HERC4: variants seen among roughly 807,000 people sequenced by gnomAD.
HERC4 encodes HECT and RLD domain containing E3 ubiquitin protein ligase 4, also known as probable E3 ubiquitin-protein ligase HERC4.
A neutral mutation model predicts 124.3 loss-of-function variants in HERC4; 28 were observed. The observed-to-expected ratio is 0.23, with a 90% CI of 0.17 to 0.31. The LOEUF (loss-of-function observed/expected upper bound fraction) is 0.31. Ranked by LOEUF, HERC4 falls within the 10% of genes least tolerant of loss-of-function variation. The pLI, the probability that HERC4 is intolerant of heterozygous loss-of-function variation, is 1.00. For synonymous variants in HERC4, 407 were observed against 421.5 expected (o/e 0.97, Z 0.42); for missense variants, 713 against 1,229.3 (o/e 0.58, Z 6.28).
chr10:68,029,860 T>A (rs963992197), intron 7 of HERC4, among the ~76,000 whole-genome samples: 14 of 150,786 alleles, frequency 9.3e-5, no homozygotes, highest in Admixed American at 9.2e-4. Flanking sequence ...TGCCTCAGCC[T>A]CCCGACTACC....
At chr10:67,981,177 A>G (rs1288090341) in intron 15 of HERC4, among the ~76,000 whole-genome samples, 1 of 152,202 alleles carries the variant, frequency 6.6e-6, no homozygotes, top group African/African-American at 2.4e-5. Context: ...AGACAAACAG[A>G]CTCAAAATAA....
At chr10:68,029,591 T>TA (rs2039086025) in intron 7 of HERC4, among the ~76,000 whole-genome samples, 1 of 151,728 alleles carries the variant, frequency 6.6e-6, no homozygotes, top group Non-Finnish European at 1.5e-5. Flanking sequence ...TGCTGTATTT[T>TA]AAAATCACCT....
intron 15 of HERC4, among the ~76,000 whole-genome samples, chr10:67,976,879 T>C (rs2035621556): frequency 6.6e-6 from 1 of 152,218 alleles, no homozygotes; most frequent in Non-Finnish European, 1.5e-5. Flanking sequence ...AGAGGGGAAC[T>C]GTGGGTCCCA....
intron 3 of HERC4, among the ~76,000 whole-genome samples, chr10:68,049,536 A>C (rs2040180402): frequency 6.9e-6 from 1 of 144,526 alleles, no homozygotes; most frequent in South Asian, 2.2e-4. Context: ...GGTTGCAGTG[A>C]GCCAAATTCA....
chr10:67,955,191 A>G, intron 17 of HERC4, 61 bp from the exon 18 acceptor site: 3 of 1,440,394 alleles, frequency 2.1e-6, no homozygotes, highest in Non-Finnish European at 2.8e-6. Flanking sequence ...TGTGACTGAA[A>G]CAAGCTAACC....
intron 3 of HERC4, chr10:68,067,785 A>G (rs2041367984): frequency 6.6e-6 from 1 of 152,244 alleles, no homozygotes; most frequent in Non-Finnish European, 1.5e-5. Context: ...ATCTTTAAAA[A>G]GAGTTCAACA....
chr10:68,041,843 A>C (rs2039784557), intron 4 of HERC4, among the ~76,000 whole-genome samples: 1 of 152,248 alleles, frequency 6.6e-6, no homozygotes, highest in Non-Finnish European at 1.5e-5. Flanking sequence ...CAAAGTAGTG[A>C]CTTCAAAACA....
intron 17 of HERC4, chr10:67,956,454 T>A (rs1285384457): frequency 6.5e-6 from 1 of 152,692 alleles, no homozygotes; most frequent in Non-Finnish European, 1.5e-5. Context: ...AAATTTCACA[T>A]CTTCTTCCTA....
chr10:68,063,070 T>C (rs2041113176), intron 3 of HERC4, among the ~76,000 whole-genome samples: 2 of 151,938 alleles, frequency 1.3e-5, no homozygotes, highest in Admixed American at 1.3e-4. Flanking sequence ...CACAGCACTC[T>C]TGTTTATACA....
chr10:68,001,324 A>C lies in HERC4; in HGVS notation c.1070-8642T>G, dbSNP rs570402522. On this transcript the variant is annotated intron_variant, in intron 9 of 24. Coordinates refer to ENST00000373700, the MANE Select transcript of HERC4 (RefSeq NM_015601.4). ...GAGGCTGAGGTTGCAGTGAGCTGTG[A>C]TCATGTCACAGCACTCTAGCCTGGG... is the stretch of plus-strand genomic sequence containing the variant. Among the ~76,000 whole-genome samples the C allele has an allele frequency of 3.6e-3, 543 of 152,058 alleles. 2 individuals carry two copies. The highest frequency in any genetic ancestry group is 0.017 in the Middle Eastern group (5 of 294).
At chr10:67,987,224 A>G (rs1412038623) in intron 15 of HERC4, among the ~76,000 whole-genome samples, 1 of 152,192 alleles carries the variant, frequency 6.6e-6, no homozygotes, top group Non-Finnish European at 1.5e-5. Flanking sequence ...AATTTAACTT[A>G]CTTGCTTAAG....
Position 68,016,784 on chromosome 10 carries a change from G to A in HERC4, c.909-2598C>T, listed in dbSNP as rs142085516. Among the ~76,000 whole-genome samples, 618 of 152,212 alleles carry A rather than the reference G, an allele frequency of 4.1e-3. 7 individuals carry two copies. Among genetic ancestry groups the A allele is most frequent in the African/African-American group, 0.014 (592 of 41,522 alleles). The stretch of plus-strand genomic sequence containing the variant: ...TCGAAATTTTACCCCCGATCCAACA[G>A]TTACATGAATAAAACTGCTGAAAAG... On this transcript the variant is annotated intron_variant, in intron 8 of 24. Transcript: ENST00000373700.
intron 5 of HERC4, among the ~76,000 whole-genome samples, chr10:68,034,858 T>C (rs943159774): frequency 5.3e-5 from 8 of 151,990 alleles, no homozygotes; most frequent in Non-Finnish European, 1.2e-4. Context: ...CAGTCTATCA[T>C]ATATCACCAA....
chr10:68,068,993 T>C (rs555632375), intron 3 of HERC4: 2 of 951,918 alleles, frequency 2.1e-6, no homozygotes, highest in African/African-American at 3.5e-5. Flanking sequence ...GTTTTTTAGA[T>C]AACAGGGCTT....
intron 15 of HERC4, among the ~76,000 whole-genome samples, chr10:67,978,758 T>A (rs2035752337): frequency 6.6e-6 from 1 of 152,140 alleles, no homozygotes; most frequent in Non-Finnish European, 1.5e-5. Context: ...CACCCCCAGC[T>A]CCAGGTGCCT....
At chr10:67,992,530 G>GA in intron 10 of HERC4, 76 bp downstream of exon 10, 1 of 1,073,854 alleles carries the variant, frequency 9.3e-7, no homozygotes, top group Non-Finnish European at 1.4e-6. Context: ...AACATATAAA[G>GA]AACATTAATA....
intron 3 of HERC4, among the ~76,000 whole-genome samples, chr10:68,047,684 C>T (rs1157038925): frequency 6.6e-6 from 1 of 152,146 alleles, no homozygotes; most frequent in Non-Finnish European, 1.5e-5. Context: ...CAACATACCA[C>T]TACACACCTA....
chr10:68,052,924 A>T (rs892137312), intron 3 of HERC4, among the ~76,000 whole-genome samples: 1 of 152,120 alleles, frequency 6.6e-6, no homozygotes, highest in African/African-American at 2.4e-5. Flanking sequence ...AAAGATAGAG[A>T]CTCCAGACTT....
At chr10:68,039,419 G>T in intron 4 of HERC4, 1 of 1,550,358 alleles carries the variant, frequency 6.5e-7, no homozygotes, top group Non-Finnish European at 8.7e-7. Context: ...CACCTGACCT[G>T]ATTCTGCCAT....
Sources: allele counts gnomAD v4.1 joint callset (sites outside exome capture counted in the v4.1 genomes callset), GRCh38; gene constraint gnomAD v4.1.1; transcripts MANE v1.5; gene names NCBI Gene and HGNC (gene_info 2026-07-23, HGNC 2026-07-21).